The following SLIT3 variants were observed in gnomAD, a reference collection of about 807,000 sequenced individuals.
SLIT3 encodes slit homolog 3 protein.
SLIT3 carries 68 observed loss-of-function variants against 184.0 expected under a neutral mutation model. The observed-to-expected ratio is 0.37, with a 90% CI of 0.30 to 0.45. The LOEUF is 0.45. SLIT3 is among the 20% of genes least tolerant of loss of function. SLIT3 has a pLI of 1.00. For missense variants in SLIT3, 1,707 were observed against 2,026.0 expected, an observed-to-expected ratio of 0.84 and a Z score of 3.02; for synonymous variants, 831 against 828.6, an observed-to-expected ratio of 1.00 and a Z score of -0.05.
chr5:168,794,478 C>T (rs1756497191), intron 10 of SLIT3, among the ~76,000 whole-genome samples: 1 of 152,142 alleles, frequency 6.6e-6, no homozygotes, highest in Non-Finnish European at 1.5e-5. Context: ...ATGACATTGT[C>T]ACATGGTGGG....
intron 1 of SLIT3, among the ~76,000 whole-genome samples, chr5:169,281,605 TG>T (rs1312009630): frequency 1.3e-5 from 1 of 76,904 alleles, no homozygotes; most frequent in African/African-American, 5.8e-5. Flanking sequence ...AAATAATTGA[TG>T]GGGGGAAATG....
At position 168,672,630 on chromosome 5, in the gene SLIT3, T is replaced by C. The variant is rs558458446; in HGVS notation, c.3841+547A>G. Among the ~76,000 whole-genome samples, 71 of 152,202 alleles carry C rather than the reference T, an allele frequency of 4.7e-4. 2 individuals carry two copies. The South Asian group carries it at 0.015, about 31-fold the overall frequency. On this transcript the variant is annotated intron_variant, in intron 33 of 35. Transcript: ENST00000519560. ...AGCTGGGACTACAGGTGCTCACTACTGTGCCCAGCTAATTTAAATATTTTG... is the reference window on the plus strand; with the variant it reads ...AGCTGGGACTACAGGTGCTCACTACCGTGCCCAGCTAATTTAAATATTTTG...
intron 5 of SLIT3, among the ~76,000 whole-genome samples, chr5:168,876,232 C>T (rs567826717): frequency 6.6e-6 from 1 of 152,174 alleles, no homozygotes; most frequent in East Asian, 1.9e-4. Flanking sequence ...GATTTAGGTC[C>T]CCCATATTTC....
chr5:169,210,675 C>A (rs1764234113), intron 3 of SLIT3, among the ~76,000 whole-genome samples: 3 of 151,978 alleles, frequency 2.0e-5, no homozygotes, highest in Admixed American at 2.0e-4. Flanking sequence ...TTGTGTGAGT[C>A]AAAGGGGACC....
At chr5:169,030,585 C>T (rs1360453310) in intron 4 of SLIT3, 1 of 152,170 alleles carries the variant, frequency 6.6e-6, no homozygotes, top group Non-Finnish European at 1.5e-5. Flanking sequence ...GTGTTTATGT[C>T]TTTGGAATGT....
chr5:169,027,655 G>A (rs899030553), intron 4 of SLIT3, among the ~76,000 whole-genome samples: 1 of 152,088 alleles, frequency 6.6e-6, no homozygotes, highest in African/African-American at 2.4e-5. Context: ...AATGTAATAA[G>A]CCTGGTCCAA....
chr5:168,903,286 C>T (rs980598992), intron 4 of SLIT3, among the ~76,000 whole-genome samples: 1 of 152,174 alleles, frequency 6.6e-6, no homozygotes, highest in Non-Finnish European at 1.5e-5. Flanking sequence ...GATGAAAAGA[C>T]AAGGAATTCA....
At chr5:168,874,931 A>T (rs1759675527) in intron 5 of SLIT3, among the ~76,000 whole-genome samples, 1 of 152,244 alleles carries the variant, frequency 6.6e-6, no homozygotes, top group Admixed American at 6.5e-5. Flanking sequence ...CCCTGTAGAC[A>T]AAAATTCACT....
chr5:169,077,082 G>A (rs79750434), intron 4 of SLIT3, among the ~76,000 whole-genome samples: 97 of 152,262 alleles, frequency 6.4e-4, no homozygotes, highest in African/African-American at 2.2e-3. Context: ...GAGACAGCAA[G>A]AACAAACTCT....
At chr5:168,956,446 A>G (rs1455028851) in intron 4 of SLIT3, among the ~76,000 whole-genome samples, 1 of 152,226 alleles carries the variant, frequency 6.6e-6, no homozygotes, top group Non-Finnish European at 1.5e-5. Context: ...TTTATTAAAA[A>G]AAATCAAATT....
chr5:169,016,367 G>A (rs571453247), intron 4 of SLIT3, among the ~76,000 whole-genome samples: 1 of 152,162 alleles, frequency 6.6e-6, no homozygotes, highest in Non-Finnish European at 1.5e-5. Flanking sequence ...TCAAGACACA[G>A]CTAACGGGTG....
intron 4 of SLIT3, among the ~76,000 whole-genome samples, chr5:168,900,547 G>A (rs1325486641): frequency 3.3e-5 from 5 of 152,108 alleles, no homozygotes; most frequent in Non-Finnish European, 5.9e-5. Context: ...CCTGGGAGGC[G>A]GAGGTTGCAG....
intron 8 of SLIT3, 124 bp from the exon 9 acceptor site, chr5:168,806,711 G>T: frequency 9.2e-7 from 1 of 1,085,928 alleles, no homozygotes; most frequent in Non-Finnish European, 1.3e-6. Flanking sequence ...ATGATCACCA[G>T]CTGACATCTC....
intron 4 of SLIT3, among the ~76,000 whole-genome samples, chr5:168,997,463 T>C: frequency 6.6e-6 from 1 of 152,040 alleles, no homozygotes; most frequent in East Asian, 1.9e-4. Context: ...GAGGGTCTTC[T>C]CCAAAACTAG....
At chr5:168,932,904 A>G (rs1180221770) in intron 4 of SLIT3, among the ~76,000 whole-genome samples, 1 of 152,216 alleles carries the variant, frequency 6.6e-6, no homozygotes, top group East Asian at 1.9e-4. Context: ...CCATAGAAAG[A>G]GCTCAGTCAG....
chr5:168,785,867 C>T (rs1016945931), intron 12 of SLIT3, 40 bp downstream of exon 12: 23 of 1,464,266 alleles, frequency 1.6e-5, no homozygotes, highest in Non-Finnish European at 2.1e-5. Context: ...AGCCTTCCGA[C>T]AGTACCAAAG....
chr5:168,710,354 T>C (rs1762515088), intron 25 of SLIT3, among the ~76,000 whole-genome samples: 1 of 152,156 alleles, frequency 6.6e-6, no homozygotes, highest in Admixed American at 6.5e-5. Context: ...ACAAACTCAG[T>C]AGTAGTTTGT....
At chr5:168,934,796 GT>G (rs1279162545) in intron 4 of SLIT3, among the ~76,000 whole-genome samples, 2 of 151,902 alleles carry the variant, frequency 1.3e-5, no homozygotes, top group Non-Finnish European at 1.5e-5. Flanking sequence ...CAGGCATTAT[GT>G]TAAATGCTTT....
At chr5:168,864,565 T>C (rs58107910) in intron 5 of SLIT3, among the ~76,000 whole-genome samples, 11,030 of 152,272 alleles carry the variant, frequency 0.072, 925 homozygotes, top group African/African-American at 0.21. Flanking sequence ...GTTGCCAGAT[T>C]GCCTGTTGAG....
Sources: gnomAD v4.1 joint callset for allele counts (sites outside exome capture counted in the v4.1 genomes callset) on GRCh38, gnomAD v4.1.1 for gene constraint, MANE v1.5 for transcripts, NCBI Gene and HGNC (gene_info 2026-07-23, HGNC 2026-07-21) for gene names.